Variants in NR6A1 observed in about 807,000 individuals in gnomAD.
NR6A1 encodes retinoic acid receptor-related testis-associated receptor.
Under a neutral mutation model 59.1 loss-of-function variants are expected in NR6A1, and 7 were observed. The observed-to-expected ratio is 0.12, with a 90% CI of 0.07 to 0.22. The LOEUF (loss-of-function observed/expected upper bound fraction) is 0.22, where lower values mean the gene tolerates loss of function less well. Among genes scored for constraint, NR6A1 ranks in the 10% least tolerant of loss-of-function variants. The pLI is 1.00. For missense variants in NR6A1, 468 were observed against 611.6 expected (o/e 0.77, Z 2.48); for synonymous variants, 243 against 236.1 (o/e 1.03, Z -0.27).
intron 1 of NR6A1, among the ~76,000 whole-genome samples, chr9:124,746,505 C>T (rs970844079): frequency 3.3e-5 from 5 of 152,140 alleles, no homozygotes; most frequent in African/African-American, 1.2e-4. Context: ...AGGAGAATCA[C>T]TTGAACCCGG....
intron 2 of NR6A1, among the ~76,000 whole-genome samples, chr9:124,606,073 C>G (rs1384538015): frequency 6.6e-6 from 1 of 152,164 alleles, no homozygotes; most frequent in Non-Finnish European, 1.5e-5. Flanking sequence ...AATAAAGCAC[C>G]TTCCCAACCT....
intron 2 of NR6A1, among the ~76,000 whole-genome samples, chr9:124,634,056 A>T (rs1052652010): frequency 2.6e-5 from 4 of 152,264 alleles, no homozygotes; most frequent in African/African-American, 7.2e-5. Flanking sequence ...TTGATTATTC[A>T]GAGGATGATA....
chr9:124,760,413 A>G (rs1036592199), intron 1 of NR6A1, among the ~76,000 whole-genome samples: 1 of 152,178 alleles, frequency 6.6e-6, no homozygotes, highest in Non-Finnish European at 1.5e-5. Context: ...TTGGCTCTCT[A>G]ATCAATAAAA....
At position 124,570,353 on chromosome 9, in the gene NR6A1, CTTGATTGAGACCTGTCT is replaced by C. The variant is rs1834405214; in HGVS notation, c.143-15800_143-15784del. On this transcript the variant is annotated intron_variant, in intron 2 of 9. Coordinates refer to ENST00000487099, the MANE Select transcript of NR6A1 (RefSeq NM_033334.4). Reference sequence around the variant, plus strand: ...AAACCTTGGCAAAATAAACTTCTAACTTGATTGAGACCTGTCTTTGATACTTTTTGGTTTACACTAGA... The same window carrying C: ...AAACCTTGGCAAAATAAACTTCTAACTTGATACTTTTTGGTTTACACTAGA... Among the ~76,000 whole-genome samples the C allele has an allele frequency of 3.3e-5, 5 of 152,306 alleles. No homozygotes were observed. The South Asian group carries it at 1.0e-3, about 32-fold the overall frequency.
rs112899521 is a variant in NR6A1 at position 124,565,298 on chromosome 9, G to A, written c.143-10728C>T. 8.2e-3 allele frequency among the ~76,000 whole-genome samples: 1,245 copies of A among 152,082 alleles called. 16 individuals are homozygous for A. The highest frequency in any genetic ancestry group is 0.029 in the African/African-American group (1,188 of 41,472). On this transcript the variant is annotated intron_variant, in intron 2 of 9. Transcript: ENST00000487099. Reference sequence around the variant, plus strand: ...AAAAATTAGCTGGGCATGGTGGCACGCGCTTGTAGTCCCAGATACCCAGGA... The same window carrying A: ...AAAAATTAGCTGGGCATGGTGGCACACGCTTGTAGTCCCAGATACCCAGGA...
chr9:124,734,040 T>C (rs1056078793), intron 1 of NR6A1, among the ~76,000 whole-genome samples: 2 of 152,228 alleles, frequency 1.3e-5, no homozygotes, highest in African/African-American at 2.4e-5. Flanking sequence ...ACGTCCTCTA[T>C]ACATCGTTGA....
chr9:124,651,110 C>CA (rs2130921452), intron 2 of NR6A1, among the ~76,000 whole-genome samples: 1 of 152,356 alleles, frequency 6.6e-6, no homozygotes, highest in Non-Finnish European at 1.5e-5. Flanking sequence ...CACTGGAGTG[C>CA]AGTGGTTCCA....
intron 2 of NR6A1, among the ~76,000 whole-genome samples, chr9:124,688,361 G>C (rs1044644002): frequency 6.6e-6 from 1 of 151,962 alleles, no homozygotes; most frequent in Admixed American, 6.6e-5. Context: ...TGTGAATGTG[G>C]TCTCTCTCTC....
chr9:124,749,478 T>C (rs149697761), intron 1 of NR6A1, among the ~76,000 whole-genome samples: 9 of 152,278 alleles, frequency 5.9e-5, no homozygotes, highest in Admixed American at 4.6e-4. Context: ...CTTCATGAGG[T>C]TGCAGTATTC....
At chr9:124,546,656 A>G (rs1833610900) in intron 3 of NR6A1, among the ~76,000 whole-genome samples, 1 of 152,232 alleles carries the variant, frequency 6.6e-6, no homozygotes, top group African/African-American at 2.4e-5. Flanking sequence ...TTTGATTTTT[A>G]AAAGTTATTG....
intron 1 of NR6A1, among the ~76,000 whole-genome samples, chr9:124,750,536 G>A (rs1473769447): frequency 1.4e-4 from 21 of 152,108 alleles, no homozygotes; most frequent in African/African-American, 4.6e-4. Context: ...CGAGGCAGGC[G>A]GATCACGAGG....
chr9:124,749,028 C>G (rs1840420489), intron 1 of NR6A1, among the ~76,000 whole-genome samples: 1 of 152,072 alleles, frequency 6.6e-6, no homozygotes, highest in African/African-American at 2.4e-5. Context: ...TTTGGGAGGC[C>G]AAGGCGGGCG....
chr9:124,709,323 G>C (rs1181842961), intron 2 of NR6A1, among the ~76,000 whole-genome samples: 3 of 152,204 alleles, frequency 2.0e-5, no homozygotes, highest in Admixed American at 6.5e-5. Flanking sequence ...GCTCCTGAAA[G>C]GACAAATGGA....
At chr9:124,729,145 T>TA (rs908406951) in intron 2 of NR6A1, among the ~76,000 whole-genome samples, 1 of 152,148 alleles carries the variant, frequency 6.6e-6, no homozygotes, top group African/African-American at 2.4e-5. Flanking sequence ...GATCGTATCA[T>TA]AAAAATAGAG....
At chr9:124,572,681 G>A (rs1834472249) in intron 2 of NR6A1, among the ~76,000 whole-genome samples, 1 of 152,186 alleles carries the variant, frequency 6.6e-6, no homozygotes, top group African/African-American at 2.4e-5. Flanking sequence ...GGTGTCAGCA[G>A]TACTTCTATA....
At chr9:124,702,245 A>AT (rs1838982564) in intron 2 of NR6A1, among the ~76,000 whole-genome samples, 1 of 152,136 alleles carries the variant, frequency 6.6e-6, no homozygotes, top group East Asian at 1.9e-4. Context: ...TAGCTCTTAC[A>AT]TTTAGGTGTA....
At chr9:124,689,065 C>T (rs1045283467) in intron 2 of NR6A1, among the ~76,000 whole-genome samples, 1 of 152,078 alleles carries the variant, frequency 6.6e-6, no homozygotes, top group African/African-American at 2.4e-5. Context: ...ACATACAATA[C>T]AACAGCTAGT....
intron 2 of NR6A1, among the ~76,000 whole-genome samples, chr9:124,710,107 C>T (rs770458007): frequency 6.6e-6 from 1 of 152,022 alleles, no homozygotes; most frequent in Non-Finnish European, 1.5e-5. Flanking sequence ...ATGTTTAGGG[C>T]TTGGTTTTTT....
At chr9:124,748,100 C>T (rs1840385473) in intron 1 of NR6A1, among the ~76,000 whole-genome samples, 1 of 152,136 alleles carries the variant, frequency 6.6e-6, no homozygotes, top group Non-Finnish European at 1.5e-5. Flanking sequence ...TGCAAATATA[C>T]CAACTTTGAT....
Sources: gnomAD v4.1 joint callset for allele counts (sites outside exome capture counted in the v4.1 genomes callset) on GRCh38, gnomAD v4.1.1 for gene constraint, MANE v1.5 for transcripts, NCBI Gene and HGNC (gene_info 2026-07-23, HGNC 2026-07-21) for gene names.